GRIK5: variants seen among roughly 807,000 people sequenced by gnomAD.
GRIK5 encodes the protein glutamate receptor ionotropic, kainate 5.
A neutral mutation model predicts 97.4 loss-of-function variants in GRIK5; 43 were observed. The observed-to-expected ratio is 0.44, with a 90% CI of 0.35 to 0.57. The LOEUF (loss-of-function observed/expected upper bound fraction) is 0.57. Among genes scored for constraint, GRIK5 ranks in the 20% least tolerant of loss-of-function variants. GRIK5 has a pLI of 0.01. For synonymous variants in GRIK5, 580 were observed against 583.5 expected (o/e 0.99, Z 0.09); for missense variants, 1,015 against 1,382.0 (o/e 0.73, Z 4.21).
chr19:42,005,853 G>A lies in GRIK5; in HGVS notation c.2133C>T (p.Arg711=), dbSNP rs200726465. 216 of 1,611,452 alleles carry A rather than the reference G, an allele frequency of 1.3e-4. No homozygotes were observed. The highest frequency in any genetic ancestry group is 1.7e-4 in the Non-Finnish European group (198 of 1,177,640). Residue 711 remains arginine (R), a synonymous_variant, in exon 17 of 20, where the codon CGC becomes CGT. Coordinates refer to ENST00000593562, the MANE Select transcript of GRIK5 (RefSeq NM_002088.5). The part of the protein sequence containing the change: ...FVKSTEEGIA[R]VLNSRYAFLL... ...GGAAGGCGTAGCGGGAGTTGAGGAC[G>A]CGGGCAATGCCCTCTTCTGTGCTCT...
At chr19:42,066,033 G>C (rs2076326839) in intron 1 of GRIK5, among the ~76,000 whole-genome samples, 1 of 152,140 alleles carries the variant, frequency 6.6e-6, no homozygotes, top group Non-Finnish European at 1.5e-5. Context: ...CCAGGGTGGA[G>C]GTCACAGTGC....
chr19:42,029,356 G>A (rs544828325), intron 12 of GRIK5, among the ~76,000 whole-genome samples: 4 of 151,478 alleles, frequency 2.6e-5, no homozygotes, highest in East Asian at 2.0e-4. Context: ...GTGAGCCACC[G>A]AGCCTGGCTG....
rs576105172 is a variant in GRIK5 at position 42,014,126 on chromosome 19, G to C, written c.1871+7175C>G. 7.2e-5 allele frequency among the ~76,000 whole-genome samples: 11 copies of C among 151,966 alleles called. No individual in the cohort carries two copies. In the South Asian group the frequency reaches 1.5e-3, roughly 20 times the overall value. ...GAAAAATTACTGGCCAGACACGGTG[G>C]CTCACACCTGTAATCCCAGCACTTT... On this transcript the variant is annotated intron_variant, in intron 15 of 19. Transcript: ENST00000593562.
At position 42,054,523 on chromosome 19, in the gene GRIK5, G is replaced by T. The variant is rs1200384529; in HGVS notation, c.904-51C>A. 4 of 1,592,382 alleles carry T rather than the reference G, an allele frequency of 2.5e-6. No individual in the cohort carries two copies. In the African/African-American group the frequency reaches 5.4e-5, roughly 21 times the overall value. On this transcript the variant is annotated intron_variant, in intron 8 of 19. Coordinates refer to ENST00000593562, the MANE Select transcript of GRIK5 (RefSeq NM_002088.5). Reference sequence around the variant, plus strand: ...GGATGGATAAGAGGCTGCCTAGGCAGAGGAGCCCCAAAGGCCCCTGAGCTG... The same window carrying T: ...GGATGGATAAGAGGCTGCCTAGGCATAGGAGCCCCAAAGGCCCCTGAGCTG...
chr19:42,057,755 G>A (rs2076206577), intron 6 of GRIK5, among the ~76,000 whole-genome samples: 1 of 152,180 alleles, frequency 6.6e-6, no homozygotes, highest in African/African-American at 2.4e-5. Flanking sequence ...CATAAGGTCA[G>A]AAAATCGATT....
In GRIK5 at chr19:42,059,436, T is replaced by C; in HGVS notation, c.600A>G (p.Thr200=). 1 of 1,613,844 alleles carries C rather than the reference T, an allele frequency of 6.2e-7. No individual in the cohort carries two copies. The highest frequency in any genetic ancestry group is 8.5e-7 in the Non-Finnish European group (1 of 1,179,916). Residue 200 remains threonine, a synonymous_variant, in exon 6 of 20, where the codon ACA becomes ACG. Transcript: ENST00000593562. ...VRMLDDSRDP[T]PLLKEIRDDK... ...CATCACGGATCTCCTTGAGCAGTGG[T>C]GTGGGGTCCCGGCTGTCGTCCAACA...
intron 12 of GRIK5, among the ~76,000 whole-genome samples, chr19:42,036,146 G>A (rs558513704): frequency 6.7e-6 from 1 of 149,352 alleles, no homozygotes; most frequent in African/African-American, 2.5e-5. Flanking sequence ...TGTAACCTTC[G>A]CCTCCCAGGT....
Position 42,003,306 on chromosome 19 carries a change from C to T in GRIK5, c.2514+26G>A, listed in dbSNP as rs1480544339. 5.2e-6 allele frequency: 5 copies of T among 970,714 alleles called. No homozygotes were observed. Among genetic ancestry groups the T allele is most frequent in the African/African-American group, 4.8e-5 (3 of 62,188 alleles). 60.1% of individuals were successfully genotyped at this position (970,714 alleles called of 1,614,324 possible). Reference sequence around the variant, plus strand: ...CAGCCCCTGGGGGTCCCTGTTCCTGCCCACCCCCACCCCCAGCCTCCTCAC... The same window carrying T: ...CAGCCCCTGGGGGTCCCTGTTCCTGTCCACCCCCACCCCCAGCCTCCTCAC... On this transcript the variant is annotated intron_variant, in intron 19 of 19. Transcript: ENST00000593562. The surrounding 1 kb of genome is among the most constrained non-coding windows in gnomAD (Gnocchi z 4.2).
Position 42,068,594 on chromosome 19 carries a change from C to A in GRIK5, c.-51+647G>T, listed in dbSNP as rs1018082107. ...TCAGAGGCAGAGAGAGGGAGGAGGA[C>A]AGGTGAGCGGAGGCACAGAATAGAA... On this transcript the variant is annotated intron_variant, in intron 1 of 19. Coordinates refer to ENST00000593562, the MANE Select transcript of GRIK5 (RefSeq NM_002088.5). 43 of 413,916 alleles carry A rather than the reference C, an allele frequency of 1.0e-4. No individual in the cohort carries two copies. The Admixed American group carries it at 1.3e-3, about 13-fold the overall frequency. The allele number at this position is 413,916 out of a possible 1,614,324, so 25.6% of individuals were successfully genotyped here.
chr19:42,051,043 A>G (rs1446743425), intron 11 of GRIK5, among the ~76,000 whole-genome samples: 1 of 152,184 alleles, frequency 6.6e-6, no homozygotes, highest in African/African-American at 2.4e-5. Context: ...GAGCGGAGGA[A>G]TGGGACTGAG....
rs961451223 is a variant in GRIK5, at chr19:42,013,408, CT to C, written c.1872-6599del. On this transcript the variant is annotated intron_variant, in intron 15 of 19. Transcript: ENST00000593562. ...ATCTTTTTTTTTCTTTTTTTCTTTT[CT>C]TTTTTTTTTTTTTTTTTTGAGATGG... 1.3e-3 allele frequency among the ~76,000 whole-genome samples: 155 copies of C among 123,252 alleles called. 1 individual carries two copies. The highest frequency in any genetic ancestry group is 4.4e-3 in the Middle Eastern group (1 of 226). 80.9% of individuals were successfully genotyped at this position (123,252 alleles called of 152,430 possible).
Position 42,054,310 on chromosome 19 carries a change from T to A in GRIK5, c.1056+10A>T. Reference sequence around the variant, plus strand: ...TCCTGCCTCCTCCACCCATCCCCGCTCGGGCTCACCATGCGCAGGTAGTTC... The same window carrying A: ...TCCTGCCTCCTCCACCCATCCCCGCACGGGCTCACCATGCGCAGGTAGTTC... On this transcript the variant is annotated intron_variant, in intron 9 of 19. Transcript: ENST00000593562. 6.2e-7 allele frequency: 1 copy of A among 1,601,998 alleles called. No individual in the cohort carries two copies. Among genetic ancestry groups the A allele is most frequent in the South Asian group, 1.1e-5 (1 of 90,878 alleles).
At chr19:42,017,011 C>T (rs2075633058) in intron 15 of GRIK5, among the ~76,000 whole-genome samples, 1 of 151,878 alleles carries the variant, frequency 6.6e-6, no homozygotes, top group African/African-American at 2.4e-5. Context: ...CGAGGGATGA[C>T]TGGATGTTGT....
At chr19:42,000,673 G>A (rs1346598836) in intron 19 of GRIK5, among the ~76,000 whole-genome samples, 1 of 152,122 alleles carries the variant, frequency 6.6e-6, no homozygotes, top group African/African-American at 2.4e-5. Context: ...CCGCGTCCAC[G>A]CCCCTGTGTA....
chr19:42,056,856 C>T (rs1281353768), intron 7 of GRIK5, 33 bp from the exon 8 acceptor site: 2 of 1,613,624 alleles, frequency 1.2e-6, no homozygotes, highest in Non-Finnish European at 8.5e-7. Flanking sequence ...AGGCCTGGGG[C>T]TAAGCCCTAA....
chr19:42,062,989 G>A lies in GRIK5; in HGVS notation c.245-134C>T. The stretch of plus-strand genomic sequence containing the variant: ...TGCCTGATCCTCTTCTGCCATCCGG[G>A]ACCCAGAAGGCCAGTCTCTGACCCC... On this transcript the variant is annotated intron_variant, in intron 3 of 19. Transcript: ENST00000593562. The surrounding 1 kb of genome is among the most constrained non-coding windows in gnomAD (Gnocchi z 5.3). 1.5e-6 allele frequency: 1 copy of A among 668,312 alleles called. No individual in the cohort carries two copies. Among genetic ancestry groups the A allele is most frequent in the Non-Finnish European group, 2.7e-6 (1 of 376,920 alleles). The allele number at this position is 668,312 out of a possible 1,614,324, so 41.4% of individuals were successfully genotyped here.
At chr19:42,067,353 T>G (rs1175806053) in intron 1 of GRIK5, among the ~76,000 whole-genome samples, 1 of 152,204 alleles carries the variant, frequency 6.6e-6, no homozygotes, top group Non-Finnish European at 1.5e-5. Flanking sequence ...CTGCGTGATC[T>G]TGAGCAAGTC....
Position 42,002,204 on chromosome 19 carries a change from G to A in GRIK5, c.2514+1128C>T. ...TGGAGTGGGGGGCAAGAGGAAATGGGAGGAAAGAAGAAACTGGAAGCATCA... is the reference window on the plus strand; with the variant it reads ...TGGAGTGGGGGGCAAGAGGAAATGGAAGGAAAGAAGAAACTGGAAGCATCA... On this transcript the variant is annotated intron_variant, in intron 19 of 19. Coordinates refer to ENST00000593562, the MANE Select transcript of GRIK5 (RefSeq NM_002088.5). This position sits in a 1 kb window ranked among gnomAD's most constrained non-coding sequence, Gnocchi z 5.2. The A allele has an allele frequency of 1.4e-6, 1 of 717,628 alleles. No individual in the cohort carries two copies. The highest frequency in any genetic ancestry group is 2.6e-6 in the Non-Finnish European group (1 of 385,130). The allele number at this position is 717,628 out of a possible 1,614,324, so 44.5% of individuals were successfully genotyped here.
In GRIK5 at chr19:42,069,769, G is replaced by A. The variant is rs1475753183; in HGVS notation, c.-579C>T. 6.6e-6 allele frequency among the ~76,000 whole-genome samples: 1 copy of A among 151,928 alleles called. No individual in the cohort carries two copies. The highest frequency in any genetic ancestry group is 1.5e-5 in the Non-Finnish European group (1 of 67,910). ...CCGCCCCCTTTCCCCCTCCCCCCTG[G>A]AGCCTGGGCCCTGCCCTGGTTGAGG... On this transcript the variant is annotated 5_prime_UTR_variant, in exon 1 of 20. Coordinates refer to ENST00000593562, the MANE Select transcript of GRIK5 (RefSeq NM_002088.5).
Sources: allele counts gnomAD v4.1 joint callset (sites outside exome capture counted in the v4.1 genomes callset), GRCh38; gene constraint gnomAD v4.1.1; non-coding constraint Gnocchi (gnomAD v3.1); transcripts MANE v1.5; gene names NCBI Gene and HGNC (gene_info 2026-07-23, HGNC 2026-07-21).